The following PARD3 variants were observed in gnomAD, a reference collection of about 807,000 sequenced individuals.
PARD3 encodes the protein partitioning defective 3 homolog.
PARD3 carries 75 observed loss-of-function variants against 155.4 expected under a neutral mutation model. That is an observed-to-expected ratio of 0.48 (90% CI 0.40 to 0.58). The LOEUF (loss-of-function observed/expected upper bound fraction) is 0.58, where lower values mean the gene tolerates loss of function less well. PARD3 is among the 20% of genes least tolerant of loss of function. The pLI, the probability that PARD3 is intolerant of heterozygous loss-of-function variation, is 0.00. For missense variants in PARD3, 1,642 were observed against 1,721.7 expected (o/e 0.95, Z 0.82); for synonymous variants, 576 against 610.5 (o/e 0.94, Z 0.83).
chr10:34,443,677 C>T (rs893071), intron 5 of PARD3, among the ~76,000 whole-genome samples: 44,832 of 151,918 alleles, frequency 0.3, 7,006 homozygotes, highest in East Asian at 0.43. Flanking sequence ...CCACCAGGAC[C>T]CTCCCACAAT....
chr10:34,210,435 G>A (rs1588770928), intron 22 of PARD3, among the ~76,000 whole-genome samples: 2 of 152,260 alleles, frequency 1.3e-5, no homozygotes, highest in East Asian at 1.9e-4. Flanking sequence ...GCAGAGTGGC[G>A]ATGGGGAGTA....
intron 1 of PARD3, among the ~76,000 whole-genome samples, chr10:34,807,692 A>G (rs1186683011): frequency 6.1e-5 from 4 of 65,810 alleles, no homozygotes; most frequent in East Asian, 3.8e-4. Flanking sequence ...GTGTGTGTGT[A>G]TATATATAAA....
intron 2 of PARD3, among the ~76,000 whole-genome samples, chr10:34,527,536 A>G (rs2082563489): frequency 6.6e-6 from 1 of 152,208 alleles, no homozygotes; most frequent in South Asian, 2.1e-4. Flanking sequence ...TCAGAAAAAA[A>G]GAAGAAAGTA....
intron 5 of PARD3, among the ~76,000 whole-genome samples, chr10:34,439,173 C>T (rs2076337699): frequency 1.3e-5 from 2 of 151,988 alleles, no homozygotes; most frequent in Non-Finnish European, 2.9e-5. Flanking sequence ...CTTCTGCATG[C>T]GAGGAAGGGC....
At chr10:34,505,711 C>A (rs7912071) in intron 3 of PARD3, among the ~76,000 whole-genome samples, 3 of 152,170 alleles carry the variant, frequency 2.0e-5, no homozygotes, top group Non-Finnish European at 2.9e-5. Flanking sequence ...CAATGGACTG[C>A]ACCAGTTACT....
chr10:34,178,661 C>T (rs1950137966), intron 22 of PARD3, among the ~76,000 whole-genome samples: 1 of 152,110 alleles, frequency 6.6e-6, no homozygotes, highest in South Asian at 2.1e-4. Flanking sequence ...GATGCTAAAC[C>T]TTTAGGCACA....
At chr10:34,423,071 A>C (rs1297423901) in intron 5 of PARD3, among the ~76,000 whole-genome samples, 2 of 152,186 alleles carry the variant, frequency 1.3e-5, no homozygotes, top group Non-Finnish European at 2.9e-5. Flanking sequence ...TAGACCCTGA[A>C]TAAGAAAAAT....
chr10:34,808,829 C>T (rs1055189565), intron 1 of PARD3, among the ~76,000 whole-genome samples: 1 of 152,126 alleles, frequency 6.6e-6, no homozygotes, highest in African/African-American at 2.4e-5. Context: ...AGCCAAGAAG[C>T]GCTTCACATC....
intron 3 of PARD3, among the ~76,000 whole-genome samples, chr10:34,496,209 G>GGAA (rs1208489353): frequency 6.7e-6 from 1 of 150,216 alleles, no homozygotes; most frequent in Non-Finnish European, 1.5e-5. Context: ...GTCTCAAAAG[G>GGAA]GAAGAAGAAG....
chr10:34,483,602 T>C (rs573486013), intron 3 of PARD3, among the ~76,000 whole-genome samples: 29 of 152,282 alleles, frequency 1.9e-4, no homozygotes, highest in African/African-American at 7.0e-4. Flanking sequence ...GTGCTACCTT[T>C]CTATTTCCAT....
chr10:34,147,019 T>G (rs988438229), intron 22 of PARD3, among the ~76,000 whole-genome samples: 2 of 152,176 alleles, frequency 1.3e-5, no homozygotes, highest in African/African-American at 4.8e-5. Context: ...GTTTCAATCC[T>G]TGTGTTTGAA....
chr10:34,230,308 C>T (rs1169387761), intron 22 of PARD3, among the ~76,000 whole-genome samples: 1 of 152,160 alleles, frequency 6.6e-6, no homozygotes, highest in East Asian at 1.9e-4. Flanking sequence ...GCAGCAGGTA[C>T]TACCTGGAAG....
intron 1 of PARD3, among the ~76,000 whole-genome samples, chr10:34,736,425 C>T (rs773722102): frequency 6.6e-6 from 1 of 150,930 alleles, no homozygotes; most frequent in Admixed American, 6.6e-5. Context: ...AACTCCTGTG[C>T]TCCAGTGATC....
chr10:34,538,281 G>A (rs2083356521), intron 2 of PARD3, among the ~76,000 whole-genome samples: 2 of 152,206 alleles, frequency 1.3e-5, no homozygotes, highest in South Asian at 4.1e-4. Context: ...AAAAACAACA[G>A]GAACATCAAG....
intron 2 of PARD3, among the ~76,000 whole-genome samples, chr10:34,519,588 C>T (rs549520929): frequency 3.9e-5 from 6 of 152,052 alleles, no homozygotes; most frequent in African/African-American, 9.6e-5. Flanking sequence ...CCTAGGCGGG[C>T]GGATCATTTG....
chr10:34,466,543 T>A lies in PARD3; in HGVS notation c.582+3542A>T, dbSNP rs149857437. Among the ~76,000 whole-genome samples the A allele has an allele frequency of 5.3e-5, 8 of 152,264 alleles. No individual in the cohort carries two copies. The East Asian group carries it at 1.5e-3, about 29-fold the overall frequency. ...TAAACCACTTAACTATGTAGATGAG[T>A]TATTTAAGAATGTTAACTTATTTTA... On this transcript the variant is annotated intron_variant, in intron 4 of 24. Transcript: ENST00000374788.
At chr10:34,381,470 A>G (rs1028094595) in intron 9 of PARD3, among the ~76,000 whole-genome samples, 1 of 152,248 alleles carries the variant, frequency 6.6e-6, no homozygotes. Flanking sequence ...GGTGAAAATC[A>G]TAAAGTCAAG....
intron 22 of PARD3, among the ~76,000 whole-genome samples, chr10:34,145,471 C>T (rs1363483093): frequency 6.6e-6 from 1 of 151,312 alleles, no homozygotes; most frequent in East Asian, 1.9e-4. Context: ...TTTTCACTTC[C>T]TTTCTTTCTC....
intron 2 of PARD3, among the ~76,000 whole-genome samples, chr10:34,635,233 G>A (rs1186815468): frequency 2.0e-5 from 3 of 152,228 alleles, no homozygotes; most frequent in Non-Finnish European, 4.4e-5. Flanking sequence ...CATGTTGCCG[G>A]TCTTCTGATT....
Sources: allele counts gnomAD v4.1 joint callset (sites outside exome capture counted in the v4.1 genomes callset), GRCh38; gene constraint gnomAD v4.1.1; transcripts MANE v1.5; gene names NCBI Gene and HGNC (gene_info 2026-07-23, HGNC 2026-07-21).